MYT1L: variants seen among roughly 807,000 people sequenced by gnomAD.
MYT1L encodes the protein myelin transcription factor 1 like.
A neutral mutation model predicts 126.7 loss-of-function variants in MYT1L; 12 were observed. The observed-to-expected ratio is 0.09, with a 90% CI of 0.06 to 0.15. MYT1L has a LOEUF of 0.15. Ranked by LOEUF, MYT1L falls within the 10% of genes least tolerant of loss-of-function variation. The pLI, the probability that MYT1L is intolerant of heterozygous loss-of-function variation, is 1.00. For synonymous variants in MYT1L, 541 were observed against 604.2 expected, an observed-to-expected ratio of 0.90 and a Z score of 1.53; for missense variants, 979 against 1,585.2, an observed-to-expected ratio of 0.62 and a Z score of 6.49.
At chr2:2,307,892 C>A (rs1286916219) in intron 1 of MYT1L, among the ~76,000 whole-genome samples, 4 of 149,450 alleles carry the variant, frequency 2.7e-5, no homozygotes, top group African/African-American at 9.8e-5. Flanking sequence ...CTATACTCCA[C>A]CCATGTTTCA....
At chr2:2,073,350 C>T (rs148946313) in intron 3 of MYT1L, among the ~76,000 whole-genome samples, 3 of 152,020 alleles carry the variant, frequency 2.0e-5, no homozygotes, top group Non-Finnish European at 4.4e-5. Context: ...CTAATTGCTC[C>T]CCAGCCTGCT....
At chr2:1,989,138 C>CGTGT (rs138139125) in intron 5 of MYT1L, among the ~76,000 whole-genome samples, 1 of 151,296 alleles carries the variant, frequency 6.6e-6, no homozygotes, top group African/African-American at 2.4e-5. Context: ...CTAAAAAGTG[C>CGTGT]GTGTGTGTGT....
intron 2 of MYT1L, among the ~76,000 whole-genome samples, chr2:2,246,109 C>T (rs17039438): frequency 0.022 from 3,327 of 152,274 alleles, 106 homozygotes; most frequent in African/African-American, 0.075. Flanking sequence ...AATACAGGCT[C>T]GCTGACTGCC....
intron 3 of MYT1L, among the ~76,000 whole-genome samples, chr2:2,102,624 G>C (rs1006003859): frequency 6.6e-6 from 1 of 151,826 alleles, no homozygotes; most frequent in Admixed American, 6.6e-5. Context: ...GTGTGTGTGT[G>C]TGTGTGTGTG....
At chr2:2,207,993 C>G (rs1331362147) in intron 2 of MYT1L, among the ~76,000 whole-genome samples, 1 of 152,080 alleles carries the variant, frequency 6.6e-6, no homozygotes, top group Non-Finnish European at 1.5e-5. Flanking sequence ...TGGGTTCAAT[C>G]CACTCCATGC....
chr2:2,060,497 C>G (rs1222453117), intron 3 of MYT1L, among the ~76,000 whole-genome samples: 2 of 152,084 alleles, frequency 1.3e-5, no homozygotes, highest in South Asian at 4.1e-4. Flanking sequence ...GTTATTTAGA[C>G]AGATTATATA....
At chr2:2,278,110 A>C (rs940496004) in intron 2 of MYT1L, among the ~76,000 whole-genome samples, 8 of 152,340 alleles carry the variant, frequency 5.3e-5, no homozygotes, top group African/African-American at 1.9e-4. Context: ...TAAAAATAAA[A>C]GCTTTTACTT....
chr2:1,837,230 G>C (rs914054996), intron 21 of MYT1L, among the ~76,000 whole-genome samples: 8 of 152,162 alleles, frequency 5.3e-5, no homozygotes, highest in African/African-American at 1.9e-4. Context: ...TAAATCAAAG[G>C]GGCAAACTCT....
chr2:2,234,898 C>T (rs1186539965), intron 2 of MYT1L, among the ~76,000 whole-genome samples: 1 of 152,198 alleles, frequency 6.6e-6, no homozygotes, highest in Non-Finnish European at 1.5e-5. Context: ...TCCCCCGATG[C>T]TCACGCCTCT....
intron 3 of MYT1L, among the ~76,000 whole-genome samples, chr2:2,093,450 G>C (rs2077104016): frequency 6.6e-6 from 1 of 151,942 alleles, no homozygotes; most frequent in Admixed American, 6.6e-5. Context: ...GTGATGATGA[G>C]CATTTTTTCA....
chr2:2,248,389 A>AC (rs1438966849), intron 2 of MYT1L, among the ~76,000 whole-genome samples: 2 of 152,108 alleles, frequency 1.3e-5, no homozygotes, highest in African/African-American at 4.8e-5. Flanking sequence ...CCGTAGTAAA[A>AC]AGTCTAGTAA....
chr2:2,312,376 C>T (rs766903874), intron 1 of MYT1L, among the ~76,000 whole-genome samples: 3 of 151,992 alleles, frequency 2.0e-5, no homozygotes, highest in Admixed American at 6.6e-5. Flanking sequence ...TTTGAGAGGC[C>T]GAGACAGGTG....
At chr2:2,102,414 T>C (rs926505393) in intron 3 of MYT1L, among the ~76,000 whole-genome samples, 1 of 152,210 alleles carries the variant, frequency 6.6e-6, no homozygotes, top group African/African-American at 2.4e-5. Flanking sequence ...AGGGATCTAC[T>C]AGGGAAAGAC....
intron 4 of MYT1L, among the ~76,000 whole-genome samples, chr2:2,018,059 T>C (rs914950527): frequency 6.6e-6 from 1 of 152,188 alleles, no homozygotes; most frequent in African/African-American, 2.4e-5. Context: ...CACACGTACA[T>C]AATTGATTTT....
At chr2:2,232,686 A>T (rs147208018) in intron 2 of MYT1L, among the ~76,000 whole-genome samples, 6 of 152,352 alleles carry the variant, frequency 3.9e-5, no homozygotes, top group African/African-American at 1.2e-4. Flanking sequence ...GAGCTACGAT[A>T]GGCTTTAGGG....
intron 20 of MYT1L, among the ~76,000 whole-genome samples, chr2:1,839,762 G>A (rs2041406074): frequency 6.6e-6 from 1 of 152,238 alleles, no homozygotes; most frequent in South Asian, 2.1e-4. Context: ...TCAATAAGAT[G>A]TCGTGGCATT....
intron 2 of MYT1L, among the ~76,000 whole-genome samples, chr2:2,230,432 T>C (rs765936729): frequency 6.6e-6 from 1 of 152,226 alleles, no homozygotes. Context: ...TGTGAGTTTA[T>C]TGACCAGCTC....
chr2:1,809,235 G>A (rs1455958666), intron 21 of MYT1L, 68 bp from the exon 22 acceptor site: 2 of 1,446,950 alleles, frequency 1.4e-6, no homozygotes, highest in African/African-American at 1.4e-5. Flanking sequence ...GGAAGTGGTG[G>A]TAAGCAAGGC....
intron 8 of MYT1L, among the ~76,000 whole-genome samples, chr2:1,962,070 C>T (rs540097099): frequency 1.3e-5 from 2 of 152,332 alleles, no homozygotes; most frequent in South Asian, 4.1e-4. Context: ...TACTATGAAA[C>T]TACATACATC....
Sources: gnomAD v4.1 joint callset for allele counts (sites outside exome capture counted in the v4.1 genomes callset) on GRCh38, gnomAD v4.1.1 for gene constraint, MANE v1.5 for transcripts, NCBI Gene and HGNC (gene_info 2026-07-23, HGNC 2026-07-21) for gene names.